NTAQ1: variants seen among roughly 807,000 people sequenced by gnomAD.
NTAQ1 encodes protein N-terminal glutamine amidohydrolase.
Under a neutral mutation model 28.2 loss-of-function variants are expected in NTAQ1, and 21 were observed. The ratio of observed to expected loss-of-function variants is 0.74; its 90% CI spans 0.53 to 1.07. The LOEUF (loss-of-function observed/expected upper bound fraction) is 1.07, where lower values mean the gene tolerates loss of function less well. Among genes scored for constraint, NTAQ1 ranks in the 50% least tolerant of loss-of-function variants. NTAQ1 has a pLI of 0.00. For synonymous variants in NTAQ1, 105 were observed against 90.0 expected (o/e 1.17, Z -0.94); for missense variants, 264 against 256.6 (o/e 1.03, Z -0.20).
At chr8:123,429,809 GGTGGAGGTTGCAGTAA>G (rs1012042171) in intron 2 of NTAQ1, among the ~76,000 whole-genome samples, 158 bp from the exon 3 acceptor site, 10 of 150,932 alleles carry the variant, frequency 6.6e-5, no homozygotes, top group African/African-American at 2.4e-4. Context: ...GAACCCGGGA[GGTGGAGGTTGCAGTAA>G]GCCCAGATTG....
chr8:123,469,775 C>T (rs1816023713), exon 7 of NTAQ1, among the ~76,000 whole-genome samples: 1 of 152,210 alleles, frequency 6.6e-6, no homozygotes, highest in Non-Finnish European at 1.5e-5. Context: ...TGGGCACTAA[C>T]TAGCCAAGGC....
intron 5 of NTAQ1, 78 bp from the exon 6 acceptor site, chr8:123,441,228 G>T: frequency 9.3e-7 from 1 of 1,073,546 alleles, no homozygotes; most frequent in Non-Finnish European, 1.4e-6. Flanking sequence ...ACCTACTTTT[G>T]GTCTTCTGCA....
At chr8:123,428,166 C>T (rs1479579169) in intron 2 of NTAQ1, 143 bp downstream of exon 2, 7 of 568,518 alleles carry the variant, frequency 1.2e-5, no homozygotes, top group Non-Finnish European at 2.0e-5. Context: ...CATTTAAAAG[C>T]TTGCTTTTGA....
chr8:123,461,857 T>TG (rs1563907761), intron 6 of NTAQ1, among the ~76,000 whole-genome samples: 1 of 151,996 alleles, frequency 6.6e-6, no homozygotes, highest in Admixed American at 6.6e-5. Context: ...CTTCTTGACA[T>TG]GGGGCACAAG....
At chr8:123,437,720 A>G (rs1814811878) in intron 5 of NTAQ1, among the ~76,000 whole-genome samples, 1 of 151,378 alleles carries the variant, frequency 6.6e-6, no homozygotes, top group Non-Finnish European at 1.5e-5. Flanking sequence ...AAAAAAAACA[A>G]AAAACAAAAA....
At chr8:123,458,486 A>G (rs1431296830) in intron 6 of NTAQ1, among the ~76,000 whole-genome samples, 1 of 152,104 alleles carries the variant, frequency 6.6e-6, no homozygotes, top group Non-Finnish European at 1.5e-5. Flanking sequence ...TGTGCTGGTC[A>G]GGGGTGTGTT....
downstream of NTAQ1, among the ~76,000 whole-genome samples, chr8:123,474,550 TC>T (rs1408938645): frequency 6.6e-6 from 1 of 152,212 alleles, no homozygotes; most frequent in East Asian, 1.9e-4. Flanking sequence ...TCCAGGTTTC[TC>T]CACTAAATTA....
At chr8:123,457,300 C>T (rs1176966215) in intron 6 of NTAQ1, among the ~76,000 whole-genome samples, 7 of 152,066 alleles carry the variant, frequency 4.6e-5, no homozygotes, top group Non-Finnish European at 8.8e-5. Context: ...CTCCTGACTT[C>T]AAGTGATCCG....
intron 6 of NTAQ1, among the ~76,000 whole-genome samples, chr8:123,464,275 CAG>C (rs1367519511): frequency 1.3e-5 from 2 of 152,126 alleles, no homozygotes; most frequent in Admixed American, 1.3e-4. Flanking sequence ...GCCCCTGGGA[CAG>C]AGATGTGATC....
chr8:123,417,004 C>G, intron 1 of NTAQ1, 72 bp downstream of exon 1: 1 of 1,351,282 alleles, frequency 7.4e-7, no homozygotes, highest in East Asian at 3.1e-5. Context: ...GGCCCCGCCT[C>G]TTCCCGGCCC....
chr8:123,470,370 T>C (rs752169607), downstream of NTAQ1, among the ~76,000 whole-genome samples: 2 of 152,212 alleles, frequency 1.3e-5, no homozygotes, highest in South Asian at 4.1e-4. Flanking sequence ...CACTTATCTT[T>C]GCTAAGGGCA....
intron 1 of NTAQ1, among the ~76,000 whole-genome samples, chr8:123,422,568 C>T (rs1813768543): frequency 1.3e-5 from 2 of 151,374 alleles, no homozygotes; most frequent in South Asian, 4.2e-4. Context: ...CGAGCCTCAC[C>T]ATGCCTGGCT....
chr8:123,430,630 G>A (rs1009684661), intron 3 of NTAQ1, among the ~76,000 whole-genome samples: 2 of 152,064 alleles, frequency 1.3e-5, no homozygotes, highest in Admixed American at 1.3e-4. Context: ...AAAATACAAA[G>A]ATTAACTGAG....
chr8:123,427,536 G>A (rs1356244831), intron 1 of NTAQ1, among the ~76,000 whole-genome samples: 1 of 152,158 alleles, frequency 6.6e-6, no homozygotes, highest in Non-Finnish European at 1.5e-5. Flanking sequence ...CCAAAGTGCT[G>A]GGATTACTGG....
chr8:123,424,273 T>G (rs10110826), intron 1 of NTAQ1, among the ~76,000 whole-genome samples: 1 of 150,576 alleles, frequency 6.6e-6, no homozygotes, highest in East Asian at 2.0e-4. Context: ...GACGAAGTCT[T>G]GCACTGTTGC....
downstream of NTAQ1, among the ~76,000 whole-genome samples, chr8:123,450,582 C>T (rs1273190498): frequency 6.6e-6 from 1 of 152,172 alleles, no homozygotes; most frequent in Non-Finnish European, 1.5e-5. Context: ...TCCAGGGCCA[C>T]TGTCTCTGAA....
At chr8:123,459,800 CTTTTTTTTTTTTT>C (rs35644112) in intron 6 of NTAQ1, among the ~76,000 whole-genome samples, 1 of 119,608 alleles carries the variant, frequency 8.4e-6, no homozygotes, top group Non-Finnish European at 1.7e-5. Flanking sequence ...ATACATCATT[CTTTTTTTTTTTTT>C]TTTTTTTGAG....
intron 3 of NTAQ1, among the ~76,000 whole-genome samples, chr8:123,435,207 A>G (rs1204980884): frequency 6.6e-6 from 1 of 152,110 alleles, no homozygotes; most frequent in Non-Finnish European, 1.5e-5. Context: ...ACCTCCCTGA[A>G]ATCCCTTTCA....
At chr8:123,432,836 C>T (rs578087254) in intron 3 of NTAQ1, among the ~76,000 whole-genome samples, 13 of 151,884 alleles carry the variant, frequency 8.6e-5, no homozygotes, top group South Asian at 4.2e-4. Context: ...ATGTGGCACA[C>T]GCCTGGCTAA....
Sources: gnomAD v4.1 joint callset for allele counts (sites outside exome capture counted in the v4.1 genomes callset) on GRCh38, gnomAD v4.1.1 for gene constraint, MANE v1.5 for transcripts, NCBI Gene and HGNC (gene_info 2026-07-23, HGNC 2026-07-21) for gene names.